PRKD2: variants seen among roughly 807,000 people sequenced by gnomAD.
PRKD2 encodes the protein protein kinase D2.
PRKD2 carries 22 observed loss-of-function variants against 86.0 expected under a neutral mutation model. That is an observed-to-expected ratio of 0.26 (90% CI 0.18 to 0.37). The LOEUF is 0.37. Among genes scored for constraint, PRKD2 ranks in the 10% least tolerant of loss-of-function variants. The pLI is 1.00. For synonymous variants in PRKD2, 509 were observed against 510.9 expected, an observed-to-expected ratio of 1.00 and a Z score of 0.05; for missense variants, 818 against 1,199.2, an observed-to-expected ratio of 0.68 and a Z score of 4.70.
In PRKD2 at chr19:46,678,461, T is replaced by C. The variant is rs752280760; in HGVS notation, c.2273A>G (p.Asn758Ser). The C allele has an allele frequency of 1.2e-5, 20 of 1,614,084 alleles. No individual in the cohort carries two copies. In the South Asian group the frequency reaches 1.6e-4, roughly 13 times the overall value. Residue 758 changes from asparagine to serine, a missense_variant, in exon 16 of 18, where the codon AAT (asparagine) becomes AGT (serine). By Grantham distance (46) the Asn-to-Ser change is conservative (BLOSUM62 1). Transcript: ENST00000291281. The surrounding 1 kb of genome is among the most constrained non-coding windows in gnomAD (Gnocchi z 5.7). Reference protein sequence around the residue: ...TFPFNEDEDINDQIQNAAFMY... With the variant: ...TFPFNEDEDISDQIQNAAFMY... The stretch of plus-strand genomic sequence containing the variant: ...GAAGGCGGCGTTCTGGATCTGGTCA[T>C]TGATGTCCTCATCCTCGTTGAAAGG...
chr19:46,704,708 G>C (rs2053688384), intron 3 of PRKD2, 59 bp from the exon 4 acceptor site: 7 of 1,532,572 alleles, frequency 4.6e-6, no homozygotes, highest in East Asian at 2.3e-5. Flanking sequence ...GTCTCTTCTT[G>C]AGAAGTTGTG....
chr19:46,716,074 C>T lies in PRKD2; in HGVS notation c.240+57G>A, dbSNP rs2053877530. ...CACACCAGGCCCCAGACCCCTCTGCCAGCGCCCCCTCCTTCAACCTCTCCC... is the reference window on the plus strand; with the variant it reads ...CACACCAGGCCCCAGACCCCTCTGCTAGCGCCCCCTCCTTCAACCTCTCCC... On this transcript the variant is annotated intron_variant, in intron 1 of 17. Coordinates refer to ENST00000291281, the MANE Select transcript of PRKD2 (RefSeq NM_016457.5). This position sits in a 1 kb window ranked among gnomAD's most constrained non-coding sequence, Gnocchi z 7.9. 1 of 1,590,966 alleles carries T rather than the reference C, an allele frequency of 6.3e-7. No individual in the cohort carries two copies. Among genetic ancestry groups the T allele is most frequent in the Admixed American group, 1.7e-5 (1 of 57,490 alleles).
chr19:46,704,810 A>G (rs1245404062), intron 3 of PRKD2, among the ~76,000 whole-genome samples, 161 bp from the exon 4 acceptor site: 1 of 151,966 alleles, frequency 6.6e-6, no homozygotes, highest in African/African-American at 2.4e-5. Context: ...TAAGTGTATC[A>G]GCCCCTTCAG....
intron 15 of PRKD2, among the ~76,000 whole-genome samples, chr19:46,680,103 A>G (rs1032168526): frequency 5.9e-5 from 9 of 152,066 alleles, no homozygotes; most frequent in African/African-American, 2.2e-4. Flanking sequence ...CTTGCAGGAT[A>G]GAGCCCCAAA....
Position 46,704,313 on chromosome 19 carries a change from G to A in PRKD2, c.745C>T (p.Arg249Cys), listed in dbSNP as rs773706136. The A allele has an allele frequency of 3.1e-6, 5 of 1,614,186 alleles. No individual in the cohort carries two copies. The highest frequency in any genetic ancestry group is 4.2e-6 in the Non-Finnish European group (5 of 1,180,032). ...AGCATCTTGTCCAGCTCAATGGGGC[G>A]GCCCGTATACGATGAGGCAGAAGAG... Reference protein sequence around the residue: ...SSSSASSYTGRPIELDKMLLS... With the variant: ...SSSSASSYTGCPIELDKMLLS... Residue 249 changes from arginine to cysteine, a missense_variant, in exon 5 of 18, where the codon CGC becomes TGC. Arg to Cys is a radical substitution (Grantham distance 180, BLOSUM62 -3). Transcript: ENST00000291281.
Position 46,716,458 on chromosome 19 carries a change from T to A in PRKD2, c.-88A>T. 1.5e-6 allele frequency: 1 copy of A among 667,192 alleles called. No individual in the cohort carries two copies. The highest frequency in any genetic ancestry group is 2.4e-6 in the Non-Finnish European group (1 of 425,304). 41.3% of individuals were successfully genotyped at this position (667,192 alleles called of 1,614,324 possible). A position where few individuals can be genotyped will look rare whatever the true frequency, so the allele number is the denominator to read the frequency against. On this transcript the variant is annotated 5_prime_UTR_variant, in exon 1 of 18. Coordinates refer to ENST00000291281, the MANE Select transcript of PRKD2 (RefSeq NM_016457.5). The surrounding 1 kb of genome is among the most constrained non-coding windows in gnomAD (Gnocchi z 7.9). ...GACCCTGGGTTCTAGATCCGCGGGA[T>A]CTCGTGAGCAGGTGGTGGGAGAGCG...
chr19:46,710,804 A>C, intron 3 of PRKD2, 103 bp downstream of exon 3: 1 of 1,267,278 alleles, frequency 7.9e-7, no homozygotes, highest in Non-Finnish European at 1.1e-6. Context: ...CAGCTCTGAG[A>C]CCCGCTCCTC....
At position 46,674,379 on chromosome 19, in the gene PRKD2, G is replaced by T; in HGVS notation, c.*144C>A. 1 of 824,004 alleles carries T rather than the reference G, an allele frequency of 1.2e-6. No individual in the cohort carries two copies. The highest frequency in any genetic ancestry group is 1.8e-6 in the Non-Finnish European group (1 of 541,746). 51.0% of individuals were successfully genotyped at this position (824,004 alleles called of 1,614,324 possible). ...TTTAATTGCTGGGGAAACAGGGAGG[G>T]GCCTTGGAAATAGCTCCCCCCACCC... On this transcript the variant is annotated 3_prime_UTR_variant, in exon 18 of 18. Coordinates refer to ENST00000291281, the MANE Select transcript of PRKD2 (RefSeq NM_016457.5).
intron 7 of PRKD2, among the ~76,000 whole-genome samples, chr19:46,698,298 C>T (rs911984324): frequency 6.6e-6 from 1 of 152,142 alleles, no homozygotes; most frequent in Non-Finnish European, 1.5e-5. Flanking sequence ...AATCCCTTCA[C>T]GAGATCCATC....
intron 5 of PRKD2, among the ~76,000 whole-genome samples, chr19:46,703,958 A>ACCACACACACACACAC: frequency 7.5e-6 from 1 of 133,742 alleles, no homozygotes; most frequent in Non-Finnish European, 1.6e-5. Flanking sequence ...AAACAACAAC[A>ACCACACACACACACAC]ACACACACAC....
Position 46,674,641 on chromosome 19 carries a change from A to C in PRKD2, c.2519T>G (p.Phe840Cys). The C allele has an allele frequency of 6.2e-7, 1 of 1,606,884 alleles. No homozygotes were observed. The highest frequency in any genetic ancestry group is 8.5e-7 in the Non-Finnish European group (1 of 1,179,760). The change falls in exon 18 of 18, where the codon TTT becomes TGT. Residue 840 changes from phenylalanine to cysteine, a missense_variant. Physicochemically the swap from Phe to Cys is radical, Grantham distance 205. Transcript: ENST00000291281. The stretch of plus-strand genomic sequence containing the variant: ...CCCAGGCAGCGGATGCTCTGCTGCA[A>C]ACTGCTCCCAGCGCGCGTCGTCACT... ...HESDDARWEQFAAEHPLPGSG... is the reference protein window; with the variant it reads ...HESDDARWEQCAAEHPLPGSG...
At chr19:46,707,186 CT>C (rs1380705778) in intron 3 of PRKD2, among the ~76,000 whole-genome samples, 3 of 152,178 alleles carry the variant, frequency 2.0e-5, no homozygotes, top group Non-Finnish European at 4.4e-5. Context: ...GCCACCGTGC[CT>C]GGCCCAGAAT....
At chr19:46,679,739 C>T (rs2122562834) in intron 15 of PRKD2, among the ~76,000 whole-genome samples, 1 of 152,250 alleles carries the variant, frequency 6.6e-6, no homozygotes. Flanking sequence ...ATTCTCCTGC[C>T]TCAGCCTCCC....
At chr19:46,687,402 AC>A (rs1472930704) in intron 14 of PRKD2, among the ~76,000 whole-genome samples, 7 of 100,522 alleles carry the variant, frequency 7.0e-5, no homozygotes. Context: ...AAAAAAACAA[AC>A]AAAAAGCACA....
chr19:46,713,021 C>G (rs1054503348), intron 2 of PRKD2, among the ~76,000 whole-genome samples: 9 of 150,982 alleles, frequency 6.0e-5, no homozygotes, highest in African/African-American at 2.2e-4. Flanking sequence ...TCTTTTTCTA[C>G]TTTTTTTCTT....
At chr19:46,697,688 T>TC in intron 8 of PRKD2, 45 bp downstream of exon 8, 1 of 1,560,782 alleles carries the variant, frequency 6.4e-7, no homozygotes. Context: ...CCGCCCCTCT[T>TC]CCAGCCTTCG....
intron 3 of PRKD2, among the ~76,000 whole-genome samples, chr19:46,705,784 T>A (rs62134784): frequency 6.7e-6 from 1 of 149,534 alleles, no homozygotes; most frequent in African/African-American, 2.5e-5. Flanking sequence ...GAGACTCAGT[T>A]TCAAAAAAAA....
intron 3 of PRKD2, among the ~76,000 whole-genome samples, chr19:46,709,652 C>T (rs111366796): frequency 0.035 from 5,269 of 151,902 alleles, 288 homozygotes; most frequent in African/African-American, 0.12. Context: ...TGAGCCACCG[C>T]ACCCGGCCCA....
In PRKD2 at chr19:46,689,656, C is replaced by A; in HGVS notation, c.1852G>T (p.Glu618Ter). The change falls in exon 14 of 18, where the codon GAG becomes TAG. Residue 618 changes from glutamate to a stop codon, truncating the protein, a stop_gained. Coordinates refer to ENST00000291281, the MANE Select transcript of PRKD2 (RefSeq NM_016457.5). LOFTEE classifies it high-confidence loss of function. ...PGIVNLECMFETPEKVFVVME... is the reference protein window; with the variant it reads ...PGIVNLECMF ...ACCACAAACACTTTCTCAGGCGTCT[C>A]GAACATGCACTCCAGGTTCACGATC... The A allele has an allele frequency of 6.2e-7, 1 of 1,614,152 alleles. No individual in the cohort carries two copies. Among genetic ancestry groups the A allele is most frequent in the Non-Finnish European group, 8.5e-7 (1 of 1,180,016 alleles).
Sources: gnomAD v4.1 joint callset for allele counts (sites outside exome capture counted in the v4.1 genomes callset) on GRCh38, gnomAD v4.1.1 for gene constraint, Gnocchi (gnomAD v3.1) non-coding constraint, MANE v1.5 for transcripts, NCBI Gene and HGNC (gene_info 2026-07-23, HGNC 2026-07-21) for gene names.